The following IRAG2 variants were observed in gnomAD, a reference collection of about 807,000 sequenced individuals.
IRAG2 encodes the protein lymphoid restricted membrane protein.
IRAG2 carries 45 observed loss-of-function variants against 69.9 expected under a neutral mutation model. That is an observed-to-expected ratio of 0.64 (90% CI 0.51 to 0.83). The LOEUF (loss-of-function observed/expected upper bound fraction) is 0.83, where lower values mean the gene tolerates loss of function less well. Among genes scored for constraint, IRAG2 ranks in the 40% least tolerant of loss-of-function variants. IRAG2 has a pLI of 0.00. For missense variants in IRAG2, 520 were observed against 587.0 expected (o/e 0.89, Z 1.18); for synonymous variants, 193 against 202.4 (o/e 0.95, Z 0.40).
chr12:25,054,611 TG>T (rs1218731773), intron 1 of IRAG2, among the ~76,000 whole-genome samples: 1 of 152,206 alleles, frequency 6.6e-6, no homozygotes, highest in African/African-American at 2.4e-5. Context: ...AAAGCTGCCC[TG>T]GGTTGATACG....
intron 6 of IRAG2, among the ~76,000 whole-genome samples, chr12:25,072,818 C>T (rs548806305): frequency 3.9e-4 from 60 of 152,314 alleles, no homozygotes; most frequent in African/African-American, 8.9e-4. Flanking sequence ...TGTGCCTGTA[C>T]GTCAGCCAAA....
chr12:25,052,519 G>A (rs562360480), upstream of IRAG2: 128 of 396,982 alleles, frequency 3.2e-4, no homozygotes, highest in Non-Finnish European at 5.0e-4. Context: ...AGTAAAGGGG[G>A]AGTTGTAAGA....
In IRAG2 at chr12:25,096,970, A is replaced by G. The variant is rs984205493; in HGVS notation, c.667A>G (p.Lys223Glu). Residue 223 changes from lysine (K) to glutamate (E), a missense_variant, in exon 15 of 22, where the codon AAG becomes GAG. Physicochemically the swap from Lys to Glu is moderately conservative, Grantham distance 56. Coordinates refer to ENST00000556887, the MANE Select transcript of IRAG2 (RefSeq NM_001366544.2). ...ACAGGAAATCATTAAGAAGCTGGAG[A>G]AGAGTATAAAGTTTCTTAGCCAGTG... Reference protein sequence around the residue: ...QAQEIIKKLEKSIKFLSQCAA... With the variant: ...QAQEIIKKLEESIKFLSQCAA... 14 of 1,613,708 alleles carry G rather than the reference A, an allele frequency of 8.7e-6. No homozygotes were observed. The Admixed American group carries it at 1.0e-4, about 12-fold the overall frequency.
At chr12:25,090,880 G>T (rs186834566) in intron 14 of IRAG2, 2 of 453,356 alleles carry the variant, frequency 4.4e-6, no homozygotes, top group East Asian at 7.0e-5. Context: ...TCAAAGAAGA[G>T]AATCGAGTCT....
intron 15 of IRAG2, among the ~76,000 whole-genome samples, chr12:25,037,431 T>C (rs1451012402): frequency 2.0e-5 from 3 of 152,178 alleles, no homozygotes; most frequent in Non-Finnish European, 4.4e-5. Flanking sequence ...CCCAAGTAGC[T>C]GGGATTACAT....
At chr12:25,036,755 A>G (rs553067493) in intron 15 of IRAG2, 66 of 397,856 alleles carry the variant, frequency 1.7e-4, no homozygotes, top group African/African-American at 1.3e-3. Context: ...AATAGTATAT[A>G]CAGTACCATT....
chr12:25,087,180 T>TTTTTTTTTGTTG (rs1450270058), intron 10 of IRAG2, among the ~76,000 whole-genome samples: 20 of 125,226 alleles, frequency 1.6e-4, no homozygotes, highest in African/African-American at 5.9e-4. Context: ...TTTTTTTTTT[T>TTTTTTTTTGTTG]TTGTTGAGAC....
chr12:25,015,112 A>AAAAAAAT, intron 3 of IRAG2: 4 of 359,392 alleles, frequency 1.1e-5, no homozygotes, highest in Non-Finnish European at 1.5e-5. Flanking sequence ...AAAAAAAAAA[A>AAAAAAAT]GACAAAACTT....
At chr12:25,101,789 T>G in intron 16 of IRAG2, 1 of 374,146 alleles carries the variant, frequency 2.7e-6, no homozygotes, top group Non-Finnish European at 5.2e-6. Flanking sequence ...TAACATATCG[T>G]TTCTATAAAT....
At chr12:25,008,108 A>G (rs1223903618) in intron 2 of IRAG2, among the ~76,000 whole-genome samples, 1 of 152,238 alleles carries the variant, frequency 6.6e-6, no homozygotes, top group Non-Finnish European at 1.5e-5. Context: ...GCAACTATTG[A>G]TGATGAAGGC....
chr12:25,012,955 AAGATAAATATAT>A, intron 3 of IRAG2, among the ~76,000 whole-genome samples: 1 of 152,260 alleles, frequency 6.6e-6, no homozygotes, highest in Non-Finnish European at 1.5e-5. Flanking sequence ...TCATGAAGTC[AAGATAAATATAT>A]AGAAATAAGT....
intron 1 of IRAG2, among the ~76,000 whole-genome samples, chr12:25,055,308 G>T (rs541476932): frequency 5.3e-5 from 8 of 152,296 alleles, no homozygotes; most frequent in African/African-American, 1.9e-4. Context: ...TCATGTGCAT[G>T]ATATTCTTCA....
upstream of IRAG2, among the ~76,000 whole-genome samples, chr12:24,999,431 T>G (rs1944374896): frequency 6.6e-6 from 1 of 152,154 alleles, no homozygotes; most frequent in South Asian, 2.1e-4. Flanking sequence ...ACAAGATAAT[T>G]GAGGCAATAA....
chr12:25,018,668 C>T (rs16928329), intron 6 of IRAG2, among the ~76,000 whole-genome samples: 15,624 of 152,212 alleles, frequency 0.1, 888 homozygotes, highest in East Asian at 0.2. Flanking sequence ...GTTTCTTTAA[C>T]AAAACTGCTT....
At chr12:25,019,842 G>T (rs1002179911) in intron 6 of IRAG2, among the ~76,000 whole-genome samples, 3 of 152,110 alleles carry the variant, frequency 2.0e-5, no homozygotes, top group Non-Finnish European at 4.4e-5. Flanking sequence ...ATCCTGTTTA[G>T]CCTAGTGCTT....
At chr12:25,069,852 C>T (rs1946219551) in intron 6 of IRAG2, among the ~76,000 whole-genome samples, 1 of 152,164 alleles carries the variant, frequency 6.6e-6, no homozygotes, top group South Asian at 2.1e-4. Context: ...GACCACAAAG[C>T]ACGGCCATGC....
the IRAG2 span, among the ~76,000 whole-genome samples, chr12:24,998,641 G>C: frequency 6.6e-6 from 1 of 152,004 alleles, no homozygotes; most frequent in Non-Finnish European, 1.5e-5. Flanking sequence ...CATTAGTGAA[G>C]GGTTGTTTTG....
At chr12:25,102,702 A>G (rs1948825426) in intron 17 of IRAG2, 1 of 155,752 alleles carries the variant, frequency 6.4e-6, no homozygotes, top group South Asian at 2.0e-4. Context: ...CTGTAAAGAC[A>G]CCCCCTAGAA....
At chr12:25,060,937 A>G (rs1319335) in intron 1 of IRAG2, among the ~76,000 whole-genome samples, 28,748 of 151,856 alleles carry the variant, frequency 0.19, 2,837 homozygotes, top group African/African-American at 0.21. Flanking sequence ...CAAAGAGCTG[A>G]AATTAGAGGT....
Sources: gnomAD v4.1 joint callset for allele counts (sites outside exome capture counted in the v4.1 genomes callset) on GRCh38, gnomAD v4.1.1 for gene constraint, MANE v1.5 for transcripts, NCBI Gene and HGNC (gene_info 2026-07-23, HGNC 2026-07-21) for gene names.